Variants in TMEM233 observed in about 807,000 individuals in gnomAD.
TMEM233 encodes dispanin subfamily B member 2.
TMEM233 carries 6 observed loss-of-function variants against 11.2 expected under a neutral mutation model. The observed-to-expected ratio is 0.54, with a 90% CI of 0.29 to 1.06. TMEM233 has a LOEUF of 1.06. Ranked by LOEUF, TMEM233 falls within the 50% of genes least tolerant of loss-of-function variation. The pLI is 0.08. For missense variants in TMEM233, 127 were observed against 144.7 expected (o/e 0.88, Z 0.63); for synonymous variants, 59 against 55.8 (o/e 1.06, Z -0.26).
intron 1 of TMEM233, among the ~76,000 whole-genome samples, chr12:119,610,870 T>C (rs1954384275): frequency 6.6e-6 from 1 of 152,210 alleles, no homozygotes. Context: ...ATCTCTATTC[T>C]ACTGTCTATC....
intron 1 of TMEM233, among the ~76,000 whole-genome samples, chr12:119,604,044 A>G (rs1039284517): frequency 6.6e-6 from 1 of 152,232 alleles, no homozygotes; most frequent in Admixed American, 6.5e-5. Context: ...ACTGCAGACC[A>G]GTTGGTCCAC....
intron 2 of TMEM233, among the ~76,000 whole-genome samples, chr12:119,635,914 CG>C (rs779383373): frequency 6.6e-6 from 1 of 152,166 alleles, no homozygotes; most frequent in Non-Finnish European, 1.5e-5. Context: ...GAGGAAGGGG[CG>C]TGGTGTTTCC....
At chr12:119,649,619 A>T in the TMEM233 span, among the ~76,000 whole-genome samples, 1 of 152,070 alleles carries the variant, frequency 6.6e-6, no homozygotes, top group Non-Finnish European at 1.5e-5. Flanking sequence ...TTGGAACCAG[A>T]TTTTTGGCTG....
At chr12:119,596,170 C>T (rs1954043678) in intron 1 of TMEM233, among the ~76,000 whole-genome samples, 2 of 152,230 alleles carry the variant, frequency 1.3e-5, no homozygotes, top group South Asian at 2.1e-4. Context: ...AACAATGCTG[C>T]AGCCAAATTC....
intron 1 of TMEM233, among the ~76,000 whole-genome samples, chr12:119,622,408 TG>T (rs1486155499): frequency 1.3e-5 from 2 of 152,228 alleles, no homozygotes; most frequent in African/African-American, 2.4e-5. Context: ...ATATAAATTT[TG>T]AGTATCTAAA....
At chr12:119,626,226 C>T (rs1305203451) in intron 1 of TMEM233, among the ~76,000 whole-genome samples, 1 of 152,148 alleles carries the variant, frequency 6.6e-6, no homozygotes, top group Non-Finnish European at 1.5e-5. Flanking sequence ...AATCCCAACA[C>T]TCTGAGAGGC....
At chr12:119,645,082 C>G (rs550184166), downstream of TMEM233, among the ~76,000 whole-genome samples, 4 of 152,146 alleles carry the variant, frequency 2.6e-5, no homozygotes, top group Admixed American at 6.5e-5. Context: ...TACCATTCTT[C>G]GCAGTGCTGA....
At position 119,593,822 on chromosome 12, in the gene TMEM233, G is replaced by T; in HGVS notation, c.-27G>T. 6.5e-7 allele frequency: 1 copy of T among 1,548,168 alleles called. No homozygotes were observed. The highest frequency in any genetic ancestry group is 8.7e-7 in the Non-Finnish European group (1 of 1,144,812). On this transcript the variant is annotated 5_prime_UTR_variant, in exon 1 of 3. Coordinates refer to ENST00000426426, the MANE Select transcript of TMEM233 (RefSeq NM_001136534.3). This position sits in a 1 kb window ranked among gnomAD's most constrained non-coding sequence, Gnocchi z 4.1. ...GACCACACAGACCGTGCGCTCCTCCGCCCTCCCGGCGCCGCCGGCCTCGCC... is the reference window on the plus strand; with the variant it reads ...GACCACACAGACCGTGCGCTCCTCCTCCCTCCCGGCGCCGCCGGCCTCGCC...
chr12:119,644,287 T>C (rs374580309), downstream of TMEM233, among the ~76,000 whole-genome samples: 20 of 151,874 alleles, frequency 1.3e-4, no homozygotes, highest in Admixed American at 2.6e-4. Context: ...ACCTTATAGA[T>C]TGAGGGTGCG....
intron 1 of TMEM233, among the ~76,000 whole-genome samples, chr12:119,605,789 A>G (rs1954268590): frequency 6.6e-6 from 1 of 151,976 alleles, no homozygotes; most frequent in Non-Finnish European, 1.5e-5. Context: ...CTTTTAACAG[A>G]TTTACCCCCA....
chr12:119,651,787 A>C, the TMEM233 span, among the ~76,000 whole-genome samples: 6 of 134,562 alleles, frequency 4.5e-5, no homozygotes, highest in Non-Finnish European at 9.2e-5. Flanking sequence ...AGATCATTCC[A>C]CTGCAGTCCA....
rs1955100110 is a variant in TMEM233 at position 119,642,624 on chromosome 12, CTG to C, written c.*1922_*1923del. Reference sequence around the variant, plus strand: ...ATTTTAGGCAAGTTTCATAGCCTCTCTGTGCCTAAAATTCCTTCACCTGCAAA... The same window carrying C: ...ATTTTAGGCAAGTTTCATAGCCTCTCTGCCTAAAATTCCTTCACCTGCAAA... On this transcript the variant is annotated 3_prime_UTR_variant, in exon 3 of 3. Coordinates refer to ENST00000426426, the MANE Select transcript of TMEM233 (RefSeq NM_001136534.3). 1 of 152,138 alleles carries C rather than the reference CTG, an allele frequency of 6.6e-6. No homozygotes were observed. The highest frequency in any genetic ancestry group is 2.4e-5 in the African/African-American group (1 of 41,436). The allele number at this position is 152,138 out of a possible 1,614,324, so 9.4% of individuals were successfully genotyped here.
chr12:119,624,335 G>C (rs1954707189), intron 1 of TMEM233, among the ~76,000 whole-genome samples: 1 of 151,876 alleles, frequency 6.6e-6, no homozygotes, highest in African/African-American at 2.4e-5. Context: ...GCTCCAACCT[G>C]GGTGACAGAA....
chr12:119,596,159 A>C (rs1225651407), intron 1 of TMEM233, among the ~76,000 whole-genome samples: 1 of 152,158 alleles, frequency 6.6e-6, no homozygotes, highest in Non-Finnish European at 1.5e-5. Context: ...GAGAGTCTGG[A>C]AACAATGCTG....
intron 2 of TMEM233, among the ~76,000 whole-genome samples, chr12:119,630,354 G>A (rs1051191556): frequency 2.0e-5 from 3 of 152,178 alleles, no homozygotes; most frequent in Non-Finnish European, 4.4e-5. Context: ...AGGGTCCCAC[G>A]CTATACAAAG....
At chr12:119,634,067 G>A (rs1454043721) in intron 2 of TMEM233, among the ~76,000 whole-genome samples, 1 of 152,214 alleles carries the variant, frequency 6.6e-6, no homozygotes, top group Non-Finnish European at 1.5e-5. Flanking sequence ...AAGGAAGAAC[G>A]TGCGAATGGT....
chr12:119,604,807 A>T (rs1464367925), intron 1 of TMEM233, among the ~76,000 whole-genome samples: 1 of 151,694 alleles, frequency 6.6e-6, no homozygotes, highest in African/African-American at 2.4e-5. Context: ...TAATTTTTTA[A>T]TTATTTTTTA....
chr12:119,628,561 A>T (rs934841504), intron 1 of TMEM233, among the ~76,000 whole-genome samples: 1 of 137,678 alleles, frequency 7.3e-6, no homozygotes, highest in Non-Finnish European at 1.5e-5. Flanking sequence ...GTGCAGTGGC[A>T]CGATCTTGGC....
At chr12:119,602,820 T>A (rs1954194101) in intron 1 of TMEM233, among the ~76,000 whole-genome samples, 1 of 152,226 alleles carries the variant, frequency 6.6e-6, no homozygotes, top group South Asian at 2.1e-4. Flanking sequence ...GCTGGGTTTG[T>A]TGTAACATAA....
Sources: allele counts gnomAD v4.1 joint callset (sites outside exome capture counted in the v4.1 genomes callset), GRCh38; gene constraint gnomAD v4.1.1; non-coding constraint Gnocchi (gnomAD v3.1); transcripts MANE v1.5; gene names NCBI Gene and HGNC (gene_info 2026-07-23, HGNC 2026-07-21).